ATP9A: variants seen among roughly 807,000 people sequenced by gnomAD.
ATP9A encodes probable phospholipid-transporting ATPase IIA.
ATP9A carries 52 observed loss-of-function variants against 144.1 expected under a neutral mutation model. The ratio of observed to expected loss-of-function variants is 0.36; its 90% CI spans 0.29 to 0.45. The LOEUF (loss-of-function observed/expected upper bound fraction) is 0.45. Ranked by LOEUF, ATP9A falls within the 20% of genes least tolerant of loss-of-function variation. ATP9A has a pLI of 1.00. For missense variants in ATP9A, 947 were observed against 1,392.7 expected, an observed-to-expected ratio of 0.68 and a Z score of 5.09; for synonymous variants, 582 against 557.4, an observed-to-expected ratio of 1.04 and a Z score of -0.62.
chr20:51,766,071 T>C (rs1381605898), intron 1 of ATP9A, among the ~76,000 whole-genome samples: 1 of 152,236 alleles, frequency 6.6e-6, no homozygotes, highest in Non-Finnish European at 1.5e-5. Context: ...CCACTCCCTC[T>C]GGCTCTCCAT....
Position 51,599,466 on chromosome 20 carries a change from T to C in ATP9A, c.*1745A>G, listed in dbSNP as rs1205441834. On this transcript the variant is annotated 3_prime_UTR_variant, in exon 28 of 28. Transcript: ENST00000338821. ...ATCCTATCCTTAACTATTCACTCAA[T>C]ACATCTTTTCTGCCGACCTTTTCCC... The C allele has an allele frequency of 1.3e-5, 2 of 152,222 alleles. No individual in the cohort carries two copies. The highest frequency in any genetic ancestry group is 2.9e-5 in the Non-Finnish European group (2 of 68,036). 9.4% of individuals were successfully genotyped at this position (152,222 alleles called of 1,614,324 possible). A position where few individuals can be genotyped will look rare whatever the true frequency, so the allele number is the denominator to read the frequency against.
At chr20:51,643,266 T>A (rs1437177308) in intron 14 of ATP9A, among the ~76,000 whole-genome samples, 1 of 152,290 alleles carries the variant, frequency 6.6e-6, no homozygotes, top group Middle Eastern at 3.4e-3. Flanking sequence ...ACCAATCAAG[T>A]AGTGGGTTTT....
At chr20:51,666,679 T>C (rs6126289) in intron 13 of ATP9A, among the ~76,000 whole-genome samples, 55,159 of 134,996 alleles carry the variant, frequency 0.41, 11,127 homozygotes, top group East Asian at 0.59. Context: ...GACTGTGTCT[T>C]AAAAAAAAAA....
At position 51,681,407 on chromosome 20, in the gene ATP9A, C is replaced by A. The variant is rs531298341; in HGVS notation, c.800-5199G>T. Among the ~76,000 whole-genome samples the A allele has an allele frequency of 5.3e-4, 79 of 150,360 alleles. 4 individuals are homozygous for A. In the South Asian group the frequency reaches 0.016, roughly 31 times the overall value. ...TACATAAAACTCTCTCCCATTTCCT[C>A]TATAGCCCATCCTAAATTTCTTTTT... On this transcript the variant is annotated intron_variant, in intron 9 of 27. Transcript: ENST00000338821.
intron 3 of ATP9A, among the ~76,000 whole-genome samples, chr20:51,719,544 C>A (rs1041246635): frequency 6.6e-6 from 1 of 150,684 alleles, no homozygotes; most frequent in African/African-American, 2.4e-5. Context: ...ACCATCCTGG[C>A]CAACATGGTG....
intron 1 of ATP9A, among the ~76,000 whole-genome samples, chr20:51,750,884 T>C (rs1441084843): frequency 6.6e-6 from 1 of 152,170 alleles, no homozygotes; most frequent in African/African-American, 2.4e-5. Flanking sequence ...GGGTCCCCAC[T>C]GGCACTGCCA....
At chr20:51,609,378 G>A (rs2077176466) in intron 24 of ATP9A, among the ~76,000 whole-genome samples, 1 of 152,160 alleles carries the variant, frequency 6.6e-6, no homozygotes, top group African/African-American at 2.4e-5. Flanking sequence ...AGCGGACTCT[G>A]TGAGACTCTC....
chr20:51,623,787 C>CAA (rs746253035), intron 18 of ATP9A, among the ~76,000 whole-genome samples: 5 of 72,122 alleles, frequency 6.9e-5, no homozygotes, highest in Non-Finnish European at 1.1e-4. Flanking sequence ...AACTCTGTCT[C>CAA]AAAAAAAAAA....
At chr20:51,745,264 CTAAAAAA>C (rs994970145) in intron 1 of ATP9A, among the ~76,000 whole-genome samples, 5 of 114,256 alleles carry the variant, frequency 4.4e-5, no homozygotes, top group African/African-American at 1.4e-4. Flanking sequence ...GAGACTCCGT[CTAAAAAA>C]AAAAAAAAAA....
intron 14 of ATP9A, among the ~76,000 whole-genome samples, chr20:51,644,267 C>CTTTTTT (rs772071945): frequency 4.1e-4 from 31 of 76,002 alleles, no homozygotes; most frequent in African/African-American, 6.2e-4. Context: ...TTACTTCTAG[C>CTTTTTT]TTTTTTTTTT....
chr20:51,736,474 C>T (rs553436624), intron 1 of ATP9A, among the ~76,000 whole-genome samples: 1 of 151,722 alleles, frequency 6.6e-6, no homozygotes, highest in South Asian at 2.1e-4. Context: ...GAAATGTTCT[C>T]ACATTGTAGT....
At chr20:51,613,270 C>G (rs1046832344) in intron 23 of ATP9A, among the ~76,000 whole-genome samples, 3 of 152,228 alleles carry the variant, frequency 2.0e-5, no homozygotes, top group Non-Finnish European at 4.4e-5. Context: ...AGTCATTCAG[C>G]ATTTAACTCT....
At chr20:51,726,889 C>CTT (rs55719132) in intron 2 of ATP9A, among the ~76,000 whole-genome samples, 1,464 of 93,954 alleles carry the variant, frequency 0.016, 130 homozygotes, top group Non-Finnish European at 0.023. Flanking sequence ...TGTGTTATTT[C>CTT]TTTTTTTTTT....
intron 19 of ATP9A, 89 bp from the exon 20 acceptor site, chr20:51,619,132 C>A (rs2077215804): frequency 1.8e-6 from 2 of 1,130,222 alleles, no homozygotes; most frequent in African/African-American, 3.1e-5. Flanking sequence ...CACATGAAGA[C>A]AACGGCCACC....
intron 9 of ATP9A, among the ~76,000 whole-genome samples, chr20:51,677,023 T>A (rs2077480357): frequency 7.0e-6 from 1 of 142,450 alleles, no homozygotes; most frequent in Admixed American, 7.4e-5. Flanking sequence ...AGCCTCAACA[T>A]CCTGGGCTCA....
intron 3 of ATP9A, among the ~76,000 whole-genome samples, chr20:51,723,608 C>T (rs1380230793): frequency 1.3e-5 from 2 of 149,078 alleles, no homozygotes; most frequent in Non-Finnish European, 3.0e-5. Context: ...CTCTGTTGAC[C>T]AGGCTGGAGT....
intron 14 of ATP9A, among the ~76,000 whole-genome samples, chr20:51,644,351 C>T (rs1258764205): frequency 1.4e-5 from 2 of 143,486 alleles, no homozygotes; most frequent in African/African-American, 2.6e-5. Context: ...CGGCTCACTG[C>T]AAACTCCACC....
At chr20:51,601,702 T>C (rs2077143873) in intron 27 of ATP9A, among the ~76,000 whole-genome samples, 1 of 152,132 alleles carries the variant, frequency 6.6e-6, no homozygotes, top group Non-Finnish European at 1.5e-5. Flanking sequence ...ACCCAGGAGT[T>C]TGAGACCAGC....
intron 9 of ATP9A, among the ~76,000 whole-genome samples, chr20:51,679,669 C>A (rs2077491878): frequency 6.6e-6 from 1 of 152,160 alleles, no homozygotes; most frequent in Non-Finnish European, 1.5e-5. Flanking sequence ...ATTCTCCCAG[C>A]CAGTGTCCAT....
Sources: gnomAD v4.1 joint callset for allele counts (sites outside exome capture counted in the v4.1 genomes callset) on GRCh38, gnomAD v4.1.1 for gene constraint, MANE v1.5 for transcripts, NCBI Gene and HGNC (gene_info 2026-07-23, HGNC 2026-07-21) for gene names.